The following SPIDR variants were observed in gnomAD, a reference collection of about 807,000 sequenced individuals.
The protein encoded by SPIDR is scaffold protein involved in DNA repair, also known as DNA repair-scaffolding protein.
In SPIDR, 93 loss-of-function variants were observed where a neutral mutation model predicts 104.6. The observed-to-expected ratio is 0.89, with a 90% CI of 0.75 to 1.06. SPIDR has a LOEUF of 1.06. Ranked by LOEUF, SPIDR falls within the 50% of genes least tolerant of loss-of-function variation. The pLI is 0.00. For synonymous variants in SPIDR, 431 were observed against 416.9 expected (o/e 1.03, Z -0.41); for missense variants, 1,154 against 1,111.2 (o/e 1.04, Z -0.55).
At chr8:47,419,621 A>G (rs1442827625) in intron 7 of SPIDR, among the ~76,000 whole-genome samples, 5 of 152,012 alleles carry the variant, frequency 3.3e-5, no homozygotes, top group African/African-American at 9.7e-5. Context: ...TATTTCCTTC[A>G]GTTCTGCTCT....
intron 8 of SPIDR, chr8:47,546,941 A>C (rs183832254): frequency 4.2e-6 from 2 of 478,906 alleles, no homozygotes; most frequent in African/African-American, 2.0e-5. Flanking sequence ...CAGGTGGCAA[A>C]GCTGTTCCAT....
intron 10 of SPIDR, among the ~76,000 whole-genome samples, chr8:47,626,675 A>T (rs1219742078): frequency 6.6e-6 from 1 of 152,276 alleles, no homozygotes; most frequent in Non-Finnish European, 1.5e-5. Context: ...ATGCAAATCA[A>T]AACCACAATG....
At chr8:47,341,465 A>G (rs1309835593) in intron 5 of SPIDR, among the ~76,000 whole-genome samples, 4 of 152,194 alleles carry the variant, frequency 2.6e-5, no homozygotes, top group Non-Finnish European at 4.4e-5. Context: ...TAAAAAAAAA[A>G]TTGGGAACTA....
chr8:47,652,560 CA>C (rs1306206152), intron 10 of SPIDR, among the ~76,000 whole-genome samples: 3 of 152,184 alleles, frequency 2.0e-5, no homozygotes, highest in Non-Finnish European at 4.4e-5. Context: ...GTCTTAAGTA[CA>C]GTAAACTGAA....
chr8:47,329,272 C>T (rs935785700), intron 5 of SPIDR, among the ~76,000 whole-genome samples: 12 of 152,038 alleles, frequency 7.9e-5, no homozygotes, highest in African/African-American at 1.2e-4. Flanking sequence ...GGGGTTTCAC[C>T]GTGTTAGCCA....
intron 10 of SPIDR, among the ~76,000 whole-genome samples, chr8:47,605,644 G>C (rs1272735086): frequency 2.0e-5 from 3 of 152,166 alleles, no homozygotes; most frequent in Non-Finnish European, 4.4e-5. Context: ...TTAGCAGGGA[G>C]ACTGGGGCAA....
chr8:47,667,945 T>C (rs190661134), intron 10 of SPIDR: 8 of 151,940 alleles, frequency 5.3e-5, no homozygotes, highest in Admixed American at 5.2e-4. Context: ...GCTATTAAGT[T>C]TGAAAATAGA....
At chr8:47,557,241 A>G (rs1052133382) in intron 8 of SPIDR, among the ~76,000 whole-genome samples, 1 of 152,164 alleles carries the variant, frequency 6.6e-6, no homozygotes, top group African/African-American at 2.4e-5. Flanking sequence ...AAGTGGAGAG[A>G]AGGAGAAGAT....
chr8:47,464,128 AC>A (rs1554715530), intron 8 of SPIDR, among the ~76,000 whole-genome samples: 1 of 129,254 alleles, frequency 7.7e-6, no homozygotes, highest in Non-Finnish European at 1.5e-5. Context: ...ACACACACAC[AC>A]ACACACACAC....
chr8:47,526,702 C>A (rs181037413), intron 8 of SPIDR, among the ~76,000 whole-genome samples: 3 of 152,120 alleles, frequency 2.0e-5, no homozygotes, highest in African/African-American at 7.2e-5. Context: ...TTAAATAGGT[C>A]AAAATGAAGC....
chr8:47,631,047 T>A (rs1158907046), intron 10 of SPIDR, among the ~76,000 whole-genome samples: 1 of 151,948 alleles, frequency 6.6e-6, no homozygotes, highest in African/African-American at 2.4e-5. Context: ...GATGAGGGCG[T>A]CGGAGGGAGG....
intron 18 of SPIDR, 106 bp downstream of exon 18, chr8:47,729,153 G>A (rs955925739): frequency 9.1e-6 from 14 of 1,540,434 alleles, no homozygotes; most frequent in Non-Finnish European, 1.1e-5. Flanking sequence ...CTGCAGAGGC[G>A]CTGGGACTCG....
At chr8:47,460,281 T>C (rs2073731476) in intron 8 of SPIDR, among the ~76,000 whole-genome samples, 3 of 152,170 alleles carry the variant, frequency 2.0e-5, no homozygotes, top group Admixed American at 2.0e-4. Flanking sequence ...TCGTTACTTA[T>C]GTCTAGTAGT....
intron 16 of SPIDR, among the ~76,000 whole-genome samples, chr8:47,715,977 T>C (rs1254657775): frequency 1.3e-5 from 2 of 149,490 alleles, no homozygotes; most frequent in Non-Finnish European, 3.0e-5. Context: ...TTTTTTTTTT[T>C]TTTTTTGGAG....
intron 5 of SPIDR, among the ~76,000 whole-genome samples, chr8:47,328,010 T>TTG (rs782467602): frequency 2.7e-5 from 4 of 149,952 alleles, no homozygotes; most frequent in African/African-American, 7.5e-5. Context: ...GTTTTTTTTT[T>TTG]GGTTTTTTTT....
chr8:47,368,261 G>A (rs1044370490), intron 5 of SPIDR, among the ~76,000 whole-genome samples: 10 of 134,244 alleles, frequency 7.4e-5, no homozygotes, highest in Admixed American at 2.6e-4. Flanking sequence ...TAGTTTCAAT[G>A]TACAAGTTTT....
At chr8:47,585,954 A>C (rs980759376) in intron 8 of SPIDR, among the ~76,000 whole-genome samples, 5 of 152,180 alleles carry the variant, frequency 3.3e-5, no homozygotes, top group Non-Finnish European at 7.3e-5. Context: ...TTGGAGGGGC[A>C]CATATTCAAA....
intron 10 of SPIDR, among the ~76,000 whole-genome samples, chr8:47,659,935 G>A (rs1259030081): frequency 6.6e-6 from 1 of 152,148 alleles, no homozygotes; most frequent in Admixed American, 6.5e-5. Flanking sequence ...CATAACTCAC[G>A]TAAACATCCC....
At chr8:47,663,683 C>G (rs2074455157) in intron 10 of SPIDR, among the ~76,000 whole-genome samples, 1 of 152,190 alleles carries the variant, frequency 6.6e-6, no homozygotes, top group Non-Finnish European at 1.5e-5. Flanking sequence ...CAAGAAATAA[C>G]AGCTCACACT....
Sources: allele counts gnomAD v4.1 joint callset (sites outside exome capture counted in the v4.1 genomes callset), GRCh38; gene constraint gnomAD v4.1.1; transcripts MANE v1.5; gene names NCBI Gene and HGNC (gene_info 2026-07-23, HGNC 2026-07-21).